The following GALNT11 variants were observed in gnomAD, a reference collection of about 807,000 sequenced individuals.
GALNT11 encodes polypeptide N-acetylgalactosaminyltransferase 11, also known as UDP-GalNAc:polypeptide N-acetylgalactosaminyltransferase 11.
A neutral mutation model predicts 72.7 loss-of-function variants in GALNT11; 47 were observed. The ratio of observed to expected loss-of-function variants is 0.65; its 90% CI spans 0.51 to 0.82. The LOEUF (loss-of-function observed/expected upper bound fraction) is 0.82. GALNT11 is among the 40% of genes least tolerant of loss of function. GALNT11 has a pLI of 0.00. For synonymous variants in GALNT11, 270 were observed against 286.6 expected, an observed-to-expected ratio of 0.94 and a Z score of 0.58; for missense variants, 677 against 778.4, an observed-to-expected ratio of 0.87 and a Z score of 1.55.
intron 1 of GALNT11, among the ~76,000 whole-genome samples, chr7:152,058,858 T>C (rs2083842713): frequency 1.3e-5 from 2 of 152,182 alleles, no homozygotes; most frequent in Non-Finnish European, 2.9e-5. Context: ...CCAGGAGCGA[T>C]TCCATTTCAA....
intron 7 of GALNT11, among the ~76,000 whole-genome samples, chr7:152,112,403 T>C (rs1301325394): frequency 6.6e-6 from 1 of 151,890 alleles, no homozygotes; most frequent in Non-Finnish European, 1.5e-5. Context: ...TAGCTGGGCG[T>C]GGTGGCGGGT....
intron 8 of GALNT11, among the ~76,000 whole-genome samples, chr7:152,113,916 A>G (rs1238178078): frequency 8.1e-6 from 1 of 122,916 alleles, no homozygotes; most frequent in Non-Finnish European, 1.6e-5. Flanking sequence ...TTTTTTAAAA[A>G]GTGTTTTTTT....
In GALNT11 at chr7:152,100,868, T is replaced by C; in HGVS notation, c.366T>C (p.Leu122=). 6.2e-7 allele frequency: 1 copy of C among 1,614,120 alleles called. No individual in the cohort carries two copies. Among genetic ancestry groups the C allele is most frequent in the Non-Finnish European group, 8.5e-7 (1 of 1,179,998 alleles). The change falls in exon 3 of 12, where the codon CTT becomes CTC. Residue 122 remains leucine (L), a synonymous_variant. Transcript: ENST00000430044. ...LGYQKHAFNM[L]ISDRLGYHRD... The stretch of plus-strand genomic sequence containing the variant: ...ATCAGAAACATGCTTTTAATATGCT[T>C]ATCAGTGACCGCTTGGGCTACCACA...
intron 4 of GALNT11, chr7:152,103,977 A>G (rs2087250588): frequency 6.6e-6 from 1 of 152,292 alleles, no homozygotes; most frequent in Non-Finnish European, 1.5e-5. Context: ...GCATTCTGAT[A>G]GCTCCTCAAT....
At chr7:152,047,287 A>G (rs1051665448) in intron 1 of GALNT11, among the ~76,000 whole-genome samples, 2 of 152,120 alleles carry the variant, frequency 1.3e-5, no homozygotes, top group African/African-American at 4.8e-5. Flanking sequence ...CCTGGCTAAC[A>G]TGGTGAAACC....
chr7:152,104,276 A>G (rs925794862), intron 4 of GALNT11: 2 of 152,372 alleles, frequency 1.3e-5, no homozygotes, highest in East Asian at 3.9e-4. Flanking sequence ...TGCTCTTTTC[A>G]TGACAGCAGG....
chr7:152,026,769 C>CT (rs1316314384), intron 1 of GALNT11, among the ~76,000 whole-genome samples: 5 of 152,232 alleles, frequency 3.3e-5, no homozygotes, highest in East Asian at 1.9e-4. Context: ...GAAGCCGCCA[C>CT]TTTGAGTTGT....
rs527833740 is a variant in GALNT11, at chr7:152,080,826, C to T, written c.-38-13364C>T. ...AAAAAAAAAAACACAAAATATTAGC[C>T]GGGCCTGGTGGCGGGCCCCTGTAAT... On this transcript the variant is annotated intron_variant, in intron 1 of 11. Transcript: ENST00000430044. 4.6e-5 allele frequency among the ~76,000 whole-genome samples: 7 copies of T among 151,918 alleles called. No homozygotes were observed. In the South Asian group the frequency reaches 6.2e-4, roughly 14 times the overall value.
rs577033367 is a variant in GALNT11, at chr7:152,111,630, A to G, written c.1080+985A>G. Reference sequence around the variant, plus strand: ...GTTATTCCACTCTGTGTGTGTGTGTATATATATATATATATTTTTTTAAAT... The same window carrying G: ...GTTATTCCACTCTGTGTGTGTGTGTGTATATATATATATATTTTTTTAAAT... On this transcript the variant is annotated intron_variant, in intron 7 of 11. Transcript: ENST00000430044. 4.3e-3 allele frequency among the ~76,000 whole-genome samples: 602 copies of G among 139,728 alleles called. 12 individuals carry two copies. The highest frequency in any genetic ancestry group is 0.018 in the Admixed American group (263 of 14,618). 91.7% of individuals were successfully genotyped at this position (139,728 alleles called of 152,430 possible). A position where few individuals can be genotyped will look rare whatever the true frequency, so the allele number is the denominator to read the frequency against.
At position 152,073,986 on chromosome 7, in the gene GALNT11, A is replaced by G. The variant is rs143423431; in HGVS notation, c.-38-20204A>G. ...ATTCAGATCATTTGCCCATTTTTAA[A>G]TCTGATTTTTTTTTCCTGCTGAGAT... On this transcript the variant is annotated intron_variant, in intron 1 of 11. Coordinates refer to ENST00000430044, the MANE Select transcript of GALNT11 (RefSeq NM_022087.4). Among the ~76,000 whole-genome samples, 205 of 151,852 alleles carry G rather than the reference A, an allele frequency of 1.4e-3. 3 individuals carry two copies. In the East Asian group the frequency reaches 0.035, roughly 26 times the overall value.
intron 1 of GALNT11, chr7:152,093,975 C>T (rs370691536): frequency 2.1e-5 from 8 of 386,834 alleles, no homozygotes; most frequent in African/African-American, 4.2e-5. Context: ...ATTTCACTGC[C>T]GTTGGTTCTC....
At chr7:152,092,991 G>A (rs1332998551) in intron 1 of GALNT11, among the ~76,000 whole-genome samples, 5 of 152,196 alleles carry the variant, frequency 3.3e-5, no homozygotes, top group African/African-American at 1.2e-4. Context: ...CACTTTGGGA[G>A]GCCAAGGCGG....
intron 1 of GALNT11, among the ~76,000 whole-genome samples, chr7:152,086,023 G>C (rs550169994): frequency 6.6e-6 from 1 of 152,190 alleles, no homozygotes; most frequent in Non-Finnish European, 1.5e-5. Flanking sequence ...GAGTAGCTGG[G>C]ATTAGAGGCA....
intron 8 of GALNT11, among the ~76,000 whole-genome samples, chr7:152,116,581 TA>T (rs1485627570): frequency 6.6e-6 from 1 of 152,236 alleles, no homozygotes; most frequent in Non-Finnish European, 1.5e-5. Context: ...AAAATCTTAA[TA>T]TGATTTCATA....
At chr7:152,087,406 G>A (rs995603465) in intron 1 of GALNT11, among the ~76,000 whole-genome samples, 2 of 152,222 alleles carry the variant, frequency 1.3e-5, no homozygotes, top group Admixed American at 6.5e-5. Flanking sequence ...CCATAATGGA[G>A]TGTAATTGAA....
intron 1 of GALNT11, among the ~76,000 whole-genome samples, chr7:152,040,127 A>G (rs1209295750): frequency 6.6e-6 from 1 of 151,858 alleles, no homozygotes; most frequent in Non-Finnish European, 1.5e-5. Context: ...CTTGGCTAGT[A>G]TAGCCTGGGG....
At chr7:152,065,371 C>A in intron 1 of GALNT11, among the ~76,000 whole-genome samples, 1 of 152,192 alleles carries the variant, frequency 6.6e-6, no homozygotes, top group East Asian at 1.9e-4. Flanking sequence ...AGGTTTTTAG[C>A]TTCTTTGCGA....
chr7:152,089,973 G>A (rs2085905380), intron 1 of GALNT11, among the ~76,000 whole-genome samples: 1 of 152,140 alleles, frequency 6.6e-6, no homozygotes, highest in Admixed American at 6.5e-5. Flanking sequence ...CATGACTCCC[G>A]AGCAGTAAGG....
At chr7:152,105,100 C>T (rs2087389122) in intron 4 of GALNT11, 145 bp from the exon 5 acceptor site, 6 of 832,304 alleles carry the variant, frequency 7.2e-6, no homozygotes, top group Non-Finnish European at 8.9e-6. Context: ...AGCTACAATA[C>T]TCTTTTAAAG....
Sources: gnomAD v4.1 joint callset for allele counts (sites outside exome capture counted in the v4.1 genomes callset) on GRCh38, gnomAD v4.1.1 for gene constraint, MANE v1.5 for transcripts, NCBI Gene and HGNC (gene_info 2026-07-23, HGNC 2026-07-21) for gene names.